The following ZPLD1 variants were observed in gnomAD, a reference collection of about 807,000 sequenced individuals.
ZPLD1 encodes the protein zona pellucida like domain containing 1.
ZPLD1 carries 34 observed loss-of-function variants against 47.2 expected under a neutral mutation model. The ratio of observed to expected loss-of-function variants is 0.72; its 90% CI spans 0.55 to 0.96. The LOEUF (loss-of-function observed/expected upper bound fraction) is 0.96. ZPLD1 is among the 40% of genes least tolerant of loss of function. ZPLD1 has a pLI of 0.00. For synonymous variants in ZPLD1, 176 were observed against 186.2 expected, an observed-to-expected ratio of 0.95 and a Z score of 0.45; for missense variants, 512 against 505.8, an observed-to-expected ratio of 1.01 and a Z score of -0.12.
intron 6 of ZPLD1, among the ~76,000 whole-genome samples, chr3:102,459,011 AC>A (rs1478668456): frequency 7.0e-6 from 1 of 143,048 alleles, no homozygotes. Flanking sequence ...AATGGCGTGA[AC>A]CCGGGAGGCG....
intron 7 of ZPLD1, among the ~76,000 whole-genome samples, chr3:102,393,779 G>C (rs1489485667): frequency 6.6e-6 from 1 of 152,046 alleles, no homozygotes; most frequent in Non-Finnish European, 1.5e-5. Flanking sequence ...ATGTGGCAAT[G>C]GAAAATCCTG....
At chr3:102,432,622 C>CT (rs202083749), upstream of ZPLD1, among the ~76,000 whole-genome samples, 8 of 151,424 alleles carry the variant, frequency 5.3e-5, no homozygotes, top group Non-Finnish European at 7.4e-5. Context: ...AACATGTTCA[C>CT]TTTTTTTTTC....
At chr3:102,407,439 A>G (rs1163124089) in intron 7 of ZPLD1, among the ~76,000 whole-genome samples, 1 of 113,054 alleles carries the variant, frequency 8.8e-6, no homozygotes, top group Non-Finnish European at 1.9e-5. Flanking sequence ...ATATATATAT[A>G]TATACACACA....
intron 6 of ZPLD1, among the ~76,000 whole-genome samples, chr3:102,458,807 C>A (rs1210852277): frequency 2.0e-5 from 3 of 152,112 alleles, no homozygotes; most frequent in East Asian, 1.9e-4. Flanking sequence ...GAGAAGCTGT[C>A]GGCCGGGTGC....
At position 102,438,545 on chromosome 3, in the gene ZPLD1, C is replaced by A. The variant is rs776311841; in HGVS notation, c.58C>A (p.Gln20Lys). The change falls in exon 3 of 12, where the codon CAG (glutamine) becomes AAG (lysine). Residue 20 changes from glutamine (Q) to lysine (K), a missense_variant. Physicochemically the swap from Gln to Lys is moderately conservative, Grantham distance 53. Transcript: ENST00000466937. ...LTIRVLPGSA[Q>K]FNGYNCDANL... ...AATTAGAGTGCTTCCGGGGTCTGCT[C>A]AGTTCAACGGCTACAACTGTGATGC... is the stretch of plus-strand genomic sequence containing the variant. 1 of 1,613,996 alleles carries A rather than the reference C, an allele frequency of 6.2e-7. No individual in the cohort carries two copies. Among genetic ancestry groups the A allele is most frequent in the Admixed American group, 1.7e-5 (1 of 60,020 alleles).
intron 9 of ZPLD1, among the ~76,000 whole-genome samples, chr3:102,469,843 A>G (rs1707654382): frequency 1.3e-5 from 2 of 152,248 alleles, no homozygotes; most frequent in South Asian, 4.1e-4. Context: ...AGTGAATAAA[A>G]AAAATTCTAT....
At chr3:102,397,387 A>G (rs1465304028) in intron 7 of ZPLD1, among the ~76,000 whole-genome samples, 1 of 118,186 alleles carries the variant, frequency 8.5e-6, no homozygotes, top group Non-Finnish European at 1.8e-5. Context: ...TTAATTGGGT[A>G]GACTTAGTAA....
chr3:102,414,022 G>A (rs763852126), intron 7 of ZPLD1, among the ~76,000 whole-genome samples: 1 of 151,650 alleles, frequency 6.6e-6, no homozygotes, highest in African/African-American at 2.4e-5. Context: ...GAGAGGAGGC[G>A]AGCTGTGTGC....
At chr3:102,414,974 G>A (rs1706788306) in intron 7 of ZPLD1, among the ~76,000 whole-genome samples, 1 of 151,846 alleles carries the variant, frequency 6.6e-6, no homozygotes, top group Non-Finnish European at 1.5e-5. Context: ...CTGATCAAAA[G>A]TAAGGCTAAT....
At position 102,464,134 on chromosome 3, in the gene ZPLD1, T is replaced by A. The variant is rs186993797; in HGVS notation, c.681-37T>A. Reference sequence around the variant, plus strand: ...TTAGTAACTAATATCCAAAAGGAAATTCTGACTCTAGATTATGTTTGCTTA... The same window carrying A: ...TTAGTAACTAATATCCAAAAGGAAAATCTGACTCTAGATTATGTTTGCTTA... On this transcript the variant is annotated intron_variant, in intron 7 of 11. Coordinates refer to ENST00000466937, the MANE Select transcript of ZPLD1 (RefSeq NM_001329788.2). 3.4e-6 allele frequency: 5 copies of A among 1,466,698 alleles called. No individual in the cohort carries two copies. The East Asian group carries it at 1.1e-4, about 33-fold the overall frequency. 90.9% of individuals were successfully genotyped at this position (1,466,698 alleles called of 1,614,324 possible). A position where few individuals can be genotyped will look rare whatever the true frequency, so the allele number is the denominator to read the frequency against.
chr3:102,438,461 A>C lies in ZPLD1; in HGVS notation c.-8-19A>C. On this transcript the variant is annotated intron_variant, in intron 2 of 11. Transcript: ENST00000466937. ...GGAGTTAAGTGGGAGTGTCCACATG[A>C]TAGATATCTCTTTTCCAGGTTTTGC... 1 of 1,580,638 alleles carries C rather than the reference A, an allele frequency of 6.3e-7. No individual in the cohort carries two copies. The highest frequency in any genetic ancestry group is 2.2e-5 in the East Asian group (1 of 44,698).
chr3:102,476,884 A>G (rs1323736931), intron 10 of ZPLD1, 128 bp from the exon 11 acceptor site: 2 of 1,090,858 alleles, frequency 1.8e-6, no homozygotes, highest in Non-Finnish European at 2.7e-6. Context: ...ACTCAAGGAG[A>G]TTATGGGTGG....
upstream of ZPLD1, among the ~76,000 whole-genome samples, chr3:102,430,050 A>C (rs1706998034): frequency 6.6e-6 from 1 of 152,158 alleles, no homozygotes; most frequent in East Asian, 1.9e-4. Context: ...CTCAATTCAA[A>C]AGTCTTCAAT....
intron 7 of ZPLD1, among the ~76,000 whole-genome samples, chr3:102,396,231 C>T (rs2107288087): frequency 6.6e-6 from 1 of 152,268 alleles, no homozygotes; most frequent in Non-Finnish European, 1.5e-5. Context: ...TATTCTAAAA[C>T]ATTGTCTATA....
At position 102,428,682 on chromosome 3, in the gene ZPLD1, A is replaced by G. The variant is rs987660254; in HGVS notation, c.-8-9798A>G. On this transcript the variant is annotated intron_variant, in intron 8 of 17. Transcript: ENST00000491959. ...TTTAATGCTTAAAAATTAAAAAAAT[A>G]AATTTGTTCAATCTTAGGTTTATTA... Among the ~76,000 whole-genome samples the G allele has an allele frequency of 2.2e-4, 34 of 151,282 alleles. 2 individuals carry two copies.
At chr3:102,470,192 G>A (rs1003387323) in intron 9 of ZPLD1, among the ~76,000 whole-genome samples, 5 of 152,166 alleles carry the variant, frequency 3.3e-5, no homozygotes, top group Non-Finnish European at 5.9e-5. Context: ...CAATTACAGC[G>A]GGAGGAAATA....
At chr3:102,408,378 A>C (rs917517351) in intron 7 of ZPLD1, among the ~76,000 whole-genome samples, 1 of 151,920 alleles carries the variant, frequency 6.6e-6, no homozygotes, top group Non-Finnish European at 1.5e-5. Context: ...TCAGAACTGG[A>C]TCACACGCCC....
intron 8 of ZPLD1, among the ~76,000 whole-genome samples, chr3:102,423,113 A>G (rs1226668830): frequency 6.6e-6 from 1 of 152,070 alleles, no homozygotes; most frequent in African/African-American, 2.4e-5. Flanking sequence ...TAAGGACTCT[A>G]TCAAAGAAAT....
chr3:102,469,674 G>C (rs887243942), intron 9 of ZPLD1, among the ~76,000 whole-genome samples: 1 of 152,198 alleles, frequency 6.6e-6, no homozygotes, highest in African/African-American at 2.4e-5. Context: ...GAGCAGAGTA[G>C]AGATGATTGG....
Sources: gnomAD v4.1 joint callset for allele counts (sites outside exome capture counted in the v4.1 genomes callset) on GRCh38, gnomAD v4.1.1 for gene constraint, MANE v1.5 for transcripts, NCBI Gene and HGNC (gene_info 2026-07-23, HGNC 2026-07-21) for gene names.